Variants in GLRA1 observed in about 807,000 individuals in gnomAD.
GLRA1 encodes glycine receptor subunit alpha-1.
In GLRA1, 37 loss-of-function variants were observed where a neutral mutation model predicts 48.3. The observed-to-expected ratio is 0.77, with a 90% confidence interval of 0.59 to 1.01. The LOEUF (loss-of-function observed/expected upper bound fraction) is 1.01. Ranked by LOEUF, GLRA1 falls within the 50% of genes least tolerant of loss-of-function variation. GLRA1 has a pLI of 0.00. For missense variants in GLRA1, 427 were observed against 571.0 expected (o/e 0.75, Z 2.57); for synonymous variants, 196 against 210.7 (o/e 0.93, Z 0.60).
intron 7 of GLRA1, among the ~76,000 whole-genome samples, chr5:151,829,633 A>G (rs539813483): frequency 7.2e-5 from 11 of 152,380 alleles, no homozygotes; most frequent in Admixed American, 6.5e-4. Flanking sequence ...ATACCATACA[A>G]TTCACACATT....
chr5:151,884,887 A>G (rs146924621), intron 3 of GLRA1, among the ~76,000 whole-genome samples: 2 of 152,350 alleles, frequency 1.3e-5, no homozygotes, highest in East Asian at 3.9e-4. Flanking sequence ...GAGGAGGGGA[A>G]GAAAAGCAGA....
intron 1 of GLRA1, among the ~76,000 whole-genome samples, chr5:151,900,833 T>A (rs777232324): frequency 5.3e-5 from 8 of 152,218 alleles, no homozygotes; most frequent in Middle Eastern, 3.2e-3. Flanking sequence ...CCTGAAAACA[T>A]GATTTTCACA....
Position 151,833,796 on chromosome 5 carries a change from C to CAAAAAAAAAAAAAAAAAAAAAAA in GLRA1, c.913-4730_913-4729insTTTTTTTTTTTTTTTTTTTTTTT, listed in dbSNP as rs757336792. ...GGATATTTACCAAGGAAGTGGAAAG[C>CAAAAAAAAAAAAAAAAAAAAAAA]AAAAAAAAAAAAAAAAAAAGCAGGG... On this transcript the variant is annotated intron_variant, in intron 7 of 8. Coordinates refer to ENST00000274576, the MANE Select transcript of GLRA1 (RefSeq NM_000171.4). Among the ~76,000 whole-genome samples the CAAAAAAAAAAAAAAAAAAAAAAA allele has an allele frequency of 3.1e-5, 2 of 64,776 alleles. 1 individual carries two copies. The highest frequency in any genetic ancestry group is 5.6e-5 in the Non-Finnish European group (2 of 35,434). The allele number at this position is 64,776 out of a possible 152,430, so 42.5% of individuals were successfully genotyped here.
chr5:151,858,590 T>C (rs1753109258), intron 4 of GLRA1, among the ~76,000 whole-genome samples: 1 of 152,110 alleles, frequency 6.6e-6, no homozygotes, highest in Admixed American at 6.5e-5. Flanking sequence ...GAAGGTGGGC[T>C]CCTGAGCGAG....
intron 3 of GLRA1, among the ~76,000 whole-genome samples, chr5:151,879,824 C>T (rs1581639492): frequency 6.6e-6 from 1 of 152,114 alleles, no homozygotes; most frequent in Non-Finnish European, 1.5e-5. Flanking sequence ...TTGGGAGGGG[C>T]CAGGAGCGGA....
chr5:151,924,658 A>AAGGGAGGCGGGGAAC lies in GLRA1; in HGVS notation c.-124_-110dup. On this transcript the variant is annotated 5_prime_UTR_variant, in exon 1 of 9. Coordinates refer to ENST00000274576, the MANE Select transcript of GLRA1 (RefSeq NM_000171.4). ...ATTGCAAAAAATAATCCAGATGTTA[A>AAGGGAGGCGGGGAAC]AGGGAGGCGGGGAACAGGGGCGCGG... 5.0e-6 allele frequency: 4 copies of AAGGGAGGCGGGGAAC among 794,258 alleles called. 1 individual carries two copies. The South Asian group carries it at 5.4e-5, about 11-fold the overall frequency. 49.2% of individuals were successfully genotyped at this position (794,258 alleles called of 1,614,324 possible). A position where few individuals can be genotyped will look rare whatever the true frequency, so the allele number is the denominator to read the frequency against.
chr5:151,832,803 A>C (rs1763458852), intron 7 of GLRA1, among the ~76,000 whole-genome samples: 1 of 152,206 alleles, frequency 6.6e-6, no homozygotes, highest in African/African-American at 2.4e-5. Context: ...AGAGAACACC[A>C]CAAAGATACT....
chr5:151,892,675 G>A (rs1561574819), intron 1 of GLRA1, among the ~76,000 whole-genome samples: 2 of 152,144 alleles, frequency 1.3e-5, no homozygotes, highest in African/African-American at 2.4e-5. Flanking sequence ...GAGAAGTCAC[G>A]GACATTTTTA....
At chr5:151,868,202 A>G (rs773274197) in intron 3 of GLRA1, among the ~76,000 whole-genome samples, 1 of 152,242 alleles carries the variant, frequency 6.6e-6, no homozygotes, top group Non-Finnish European at 1.5e-5. Context: ...AGGGGCACAC[A>G]GCAATTCAAT....
At chr5:151,867,182 C>T (rs1381360723) in intron 3 of GLRA1, among the ~76,000 whole-genome samples, 2 of 152,078 alleles carry the variant, frequency 1.3e-5, no homozygotes, top group Non-Finnish European at 2.9e-5. Context: ...TGATTTCCAG[C>T]CAAGTTGGGC....
chr5:151,843,212 TC>T (rs1752549741), intron 7 of GLRA1, among the ~76,000 whole-genome samples: 1 of 151,622 alleles, frequency 6.6e-6, no homozygotes, highest in African/African-American at 2.4e-5. Flanking sequence ...TTATTAAAAC[TC>T]CAGCTATTTT....
chr5:151,847,196 A>G (rs11167557), intron 7 of GLRA1, among the ~76,000 whole-genome samples: 61,986 of 152,132 alleles, frequency 0.41, 12,779 homozygotes, highest in South Asian at 0.46. Context: ...AGGAAGCACA[A>G]TGTGGTGTCT....
intron 7 of GLRA1, among the ~76,000 whole-genome samples, chr5:151,847,923 C>A (rs956427858): frequency 6.6e-6 from 1 of 152,136 alleles, no homozygotes. Context: ...GTGAATGGAG[C>A]AGAATGTGTA....
Position 151,924,519 on chromosome 5 carries a change from G to C in GLRA1, c.31C>G (p.Leu11Val). The change falls in exon 1 of 9, where the codon CTT becomes GTT. Residue 11 changes from leucine to valine, a missense_variant. By Grantham distance (32) the Leu-to-Val change is conservative (BLOSUM62 1). Coordinates refer to ENST00000274576, the MANE Select transcript of GLRA1 (RefSeq NM_000171.4). Reference sequence around the variant, plus strand: ...CTGAAGAATACAATGGTCTCCCAAAGGTAGAGTCGAAGAGTATTGAAGCTG... The same window carrying C: ...CTGAAGAATACAATGGTCTCCCAAACGTAGAGTCGAAGAGTATTGAAGCTG... MYSFNTLRLY[L>V]WETIVFFSLA... is the part of the protein sequence containing the mutation. 1.2e-6 allele frequency: 2 copies of C among 1,604,606 alleles called. No individual in the cohort carries two copies.
chr5:151,869,434 T>C (rs1459306450), intron 3 of GLRA1, among the ~76,000 whole-genome samples: 1 of 151,210 alleles, frequency 6.6e-6, no homozygotes, highest in Non-Finnish European at 1.5e-5. Flanking sequence ...AACTTTTTGG[T>C]TGGGTGTGGT....
At chr5:151,880,707 A>G (rs539236953) in intron 3 of GLRA1, among the ~76,000 whole-genome samples, 2 of 152,392 alleles carry the variant, frequency 1.3e-5, no homozygotes, top group East Asian at 3.9e-4. Context: ...TCATACTCCC[A>G]TACTGGTACA....
rs76289740 is a variant in GLRA1 at position 151,883,754 on chromosome 5, A to G, written c.252+2967T>C. 1.6e-4 allele frequency among the ~76,000 whole-genome samples: 24 copies of G among 152,340 alleles called. No individual in the cohort carries two copies. In the East Asian group the frequency reaches 4.2e-3, roughly 27 times the overall value. ...AGGCCACAAGGTGGATGCTACTGGC[A>G]TCCCTATTTTTAACAGATGAGAAAG... On this transcript the variant is annotated intron_variant, in intron 3 of 8. Coordinates refer to ENST00000274576, the MANE Select transcript of GLRA1 (RefSeq NM_000171.4).
At chr5:151,888,730 C>T (rs533063209) in intron 2 of GLRA1, among the ~76,000 whole-genome samples, 2 of 152,312 alleles carry the variant, frequency 1.3e-5, no homozygotes, top group African/African-American at 2.4e-5. Context: ...GGGTGAGTCT[C>T]ATGCACAGCC....
intron 3 of GLRA1, among the ~76,000 whole-genome samples, chr5:151,879,570 T>G (rs1753711540): frequency 6.6e-6 from 1 of 152,102 alleles, no homozygotes; most frequent in African/African-American, 2.4e-5. Context: ...AGCCTGGTCT[T>G]GAACTCCTGA....
Sources: gnomAD v4.1 joint callset for allele counts (sites outside exome capture counted in the v4.1 genomes callset) on GRCh38, gnomAD v4.1.1 for gene constraint, MANE v1.5 for transcripts, NCBI Gene and HGNC (gene_info 2026-07-23, HGNC 2026-07-21) for gene names.